PTPRF: variants seen among roughly 807,000 people sequenced by gnomAD.
The protein encoded by PTPRF is receptor-type tyrosine-protein phosphatase F.
PTPRF carries 59 observed loss-of-function variants against 201.8 expected under a neutral mutation model. The ratio of observed to expected loss-of-function variants is 0.29; its 90% CI spans 0.24 to 0.36. The LOEUF is 0.36. PTPRF is among the 10% of genes least tolerant of loss of function. PTPRF has a pLI of 1.00. For synonymous variants in PTPRF, 1,088 were observed against 1,089.7 expected, an observed-to-expected ratio of 1.00 and a Z score of 0.03; for missense variants, 2,132 against 2,690.5, an observed-to-expected ratio of 0.79 and a Z score of 4.59.
At chr1:43,550,504 A>G (rs534786298) in intron 3 of PTPRF, among the ~76,000 whole-genome samples, 9 of 152,196 alleles carry the variant, frequency 5.9e-5, no homozygotes, top group African/African-American at 1.7e-4. Context: ...CGCGGTCCTC[A>G]TCCTCCTGGT....
chr1:43,526,189 T>C (rs1453374816), upstream of PTPRF, among the ~76,000 whole-genome samples: 1 of 152,106 alleles, frequency 6.6e-6, no homozygotes, highest in African/African-American at 2.4e-5. Context: ...GAGGGAGTCC[T>C]CCTGTGGTGG....
intron 3 of PTPRF, among the ~76,000 whole-genome samples, chr1:43,547,559 A>G (rs1197536956): frequency 6.6e-6 from 1 of 152,262 alleles, no homozygotes; most frequent in African/African-American, 2.4e-5. Context: ...GGCAACTACT[A>G]GCCAGGGGCA....
At chr1:43,613,302 C>T (rs1259024978) in intron 22 of PTPRF, 2 of 356,640 alleles carry the variant, frequency 5.6e-6, no homozygotes. Flanking sequence ...TGCCACCGAC[C>T]TGGGCGTCCC....
At position 43,591,395 on chromosome 1, in the gene PTPRF, C is replaced by A; in HGVS notation, c.1373C>A (p.Pro458His). Residue 458 changes from proline (P) to histidine (H), a missense_variant, in exon 9 of 34, where the codon CCC becomes CAC. By Grantham distance (77) the Pro-to-His change is moderately conservative (BLOSUM62 -2). This residue lies in a region of PTPRF where 351 missense variants were observed against 401.7 expected (regional missense o/e 0.87). Coordinates refer to ENST00000359947, the MANE Select transcript of PTPRF (RefSeq NM_002840.5). ...TACTATACTCCGGACTCCCGCCGCC[C>A]CCCGAACGCCTGGCACAAGCACAAC... Reference protein sequence around the residue: ...RVYYTPDSRRPPNAWHKHNTD... With the variant: ...RVYYTPDSRRHPNAWHKHNTD... The A allele has an allele frequency of 6.4e-7, 1 of 1,564,314 alleles. No homozygotes were observed. Among genetic ancestry groups the A allele is most frequent in the Non-Finnish European group, 8.7e-7 (1 of 1,155,932 alleles).
chr1:43,620,813 C>A (rs757703948), intron 31 of PTPRF, 25 bp from the exon 32 acceptor site: 16 of 1,599,508 alleles, frequency 1.0e-5, no homozygotes, highest in Non-Finnish European at 1.2e-5. Context: ...GAATTCTAAT[C>A]ATGTACCCCA....
At chr1:43,590,807 C>T (rs1245597799) in intron 8 of PTPRF, among the ~76,000 whole-genome samples, 165 bp from the exon 9 acceptor site, 2 of 152,254 alleles carry the variant, frequency 1.3e-5, no homozygotes, top group Non-Finnish European at 2.9e-5. Context: ...TCACTTGTGC[C>T]TTCAGAGGTC....
intron 11 of PTPRF, among the ~76,000 whole-genome samples, chr1:43,594,445 C>T (rs754375045): frequency 3.0e-4 from 46 of 151,674 alleles, no homozygotes; most frequent in African/African-American, 9.7e-4. Flanking sequence ...CAGTAGCTGC[C>T]GGATCTATGG....
intron 2 of PTPRF, among the ~76,000 whole-genome samples, chr1:43,540,582 T>C (rs946959165): frequency 2.6e-5 from 4 of 152,114 alleles, no homozygotes; most frequent in Non-Finnish European, 4.4e-5. Flanking sequence ...GCCTCCAGAG[T>C]TAGTCTCCTG....
At chr1:43,524,431 G>A (rs1214587760), upstream of PTPRF, among the ~76,000 whole-genome samples, 1 of 152,104 alleles carries the variant, frequency 6.6e-6, no homozygotes, top group African/African-American at 2.4e-5. Context: ...AGGCCAAGGT[G>A]GAAGCATCAT....
chr1:43,545,384 C>T (rs1490847316), intron 3 of PTPRF, among the ~76,000 whole-genome samples: 2 of 152,094 alleles, frequency 1.3e-5, no homozygotes, highest in Admixed American at 6.5e-5. Context: ...GCGGGGCAGT[C>T]GAATCGTGAC....
chr1:43,594,304 T>G (rs1243413942), intron 11 of PTPRF, among the ~76,000 whole-genome samples: 1 of 3,924 alleles, frequency 2.5e-4, no homozygotes, highest in African/African-American at 1.2e-3. Context: ...GAAGGAAGGG[T>G]GGGAGCCAAC....
rs148826366 is a variant in PTPRF at position 43,592,555 on chromosome 1, G to T, written c.1767G>T (p.Gly589=). Residue 589 remains glycine (G), a synonymous_variant, in exon 11 of 34, where the codon GGG becomes GGT. Transcript: ENST00000359947. ...RFQLAARSDM[G]VGVFTPTIEA... ...AGCTGGCTGCACGCTCGGATATGGG[G>T]GTGGGCGTCTTCACCCCCACCATTG... The T allele has an allele frequency of 4.2e-5, 67 of 1,610,150 alleles. No individual in the cohort carries two copies. In the African/African-American group the frequency reaches 7.2e-4, roughly 17 times the overall value.
intron 11 of PTPRF, among the ~76,000 whole-genome samples, chr1:43,595,419 A>T (rs74626976): frequency 7.0e-4 from 106 of 151,946 alleles, no homozygotes; most frequent in South Asian, 6.2e-4. Flanking sequence ...ACAGTGTTTC[A>T]CCGTGTTAGC....
chr1:43,621,912 T>C (rs1428701935), intron 33 of PTPRF, 23 bp from the exon 34 acceptor site: 1 of 1,613,622 alleles, frequency 6.2e-7, no homozygotes, highest in South Asian at 1.1e-5. Context: ...CGACCCACAC[T>C]GACCAGCCCC....
At chr1:43,586,706 T>G (rs10890261) in intron 7 of PTPRF, among the ~76,000 whole-genome samples, 108,526 of 152,106 alleles carry the variant, frequency 0.71, 39,350 homozygotes, top group Non-Finnish European at 0.78. Flanking sequence ...GGTTGGCCAG[T>G]CATTTGTCTG....
chr1:43,569,328 G>T (rs1022261252), intron 5 of PTPRF, among the ~76,000 whole-genome samples: 4 of 151,308 alleles, frequency 2.6e-5, no homozygotes, highest in African/African-American at 9.8e-5. Context: ...AAGTGCTGAC[G>T]CCTTCAGTCT....
intron 5 of PTPRF, among the ~76,000 whole-genome samples, chr1:43,558,885 A>T (rs1416960016): frequency 1.3e-5 from 2 of 152,150 alleles, no homozygotes; most frequent in Non-Finnish European, 2.9e-5. Flanking sequence ...TCAGGCCTGG[A>T]AGGACTGGCC....
chr1:43,609,597 G>A (rs530440075), intron 22 of PTPRF, 99 bp downstream of exon 22: 466 of 791,812 alleles, frequency 5.9e-4, no homozygotes, highest in Non-Finnish European at 8.5e-4. Context: ...TTCCTGGGCC[G>A]CATGCACTTG....
intron 3 of PTPRF, among the ~76,000 whole-genome samples, chr1:43,552,177 C>T (rs754093017): frequency 3.3e-5 from 5 of 152,188 alleles, no homozygotes; most frequent in Admixed American, 6.5e-5. Context: ...GCTGTATAGT[C>T]ACCTGTACTT....
Sources: gnomAD v4.1 joint callset for allele counts (sites outside exome capture counted in the v4.1 genomes callset) on GRCh38, gnomAD v4.1.1 for gene constraint, gnomAD v4.1.1 regional missense constraint, MANE v1.5 for transcripts, NCBI Gene and HGNC (gene_info 2026-07-23, HGNC 2026-07-21) for gene names.